Variants in TRAF5 observed in about 807,000 individuals in gnomAD.
TRAF5 encodes TNF receptor-associated factor 5.
TRAF5 carries 48 observed loss-of-function variants against 64.5 expected under a neutral mutation model. The ratio of observed to expected loss-of-function variants is 0.74; its 90% CI spans 0.59 to 0.95. TRAF5 has a LOEUF of 0.95. TRAF5 is among the 40% of genes least tolerant of loss of function. TRAF5 has a pLI of 0.00. For missense variants in TRAF5, 545 were observed against 662.8 expected, an observed-to-expected ratio of 0.82 and a Z score of 1.95; for synonymous variants, 206 against 240.5, an observed-to-expected ratio of 0.86 and a Z score of 1.33.
chr1:211,336,580 G>T (rs1702298337), intron 1 of TRAF5, among the ~76,000 whole-genome samples: 1 of 152,236 alleles, frequency 6.6e-6, no homozygotes, highest in South Asian at 2.1e-4. Flanking sequence ...AGGCTGCTCT[G>T]CTTGCTGGAG....
At chr1:211,364,654 C>G (rs1287726973) in intron 7 of TRAF5, among the ~76,000 whole-genome samples, 2 of 151,186 alleles carry the variant, frequency 1.3e-5, no homozygotes, top group South Asian at 2.1e-4. Flanking sequence ...CCACCATACT[C>G]CAGCCTGGGC....
At chr1:211,349,346 C>T (rs1268865673) in intron 1 of TRAF5, among the ~76,000 whole-genome samples, 1 of 152,210 alleles carries the variant, frequency 6.6e-6, no homozygotes, top group Admixed American at 6.5e-5. Context: ...AATCAAGACA[C>T]CAGCAGATTC....
chr1:211,332,035 G>A (rs1215977304), intron 1 of TRAF5, among the ~76,000 whole-genome samples: 3 of 152,114 alleles, frequency 2.0e-5, no homozygotes, highest in African/African-American at 7.2e-5. Context: ...AGACCTCAGG[G>A]GCCAGGGTAG....
chr1:211,331,683 G>A (rs893454511), intron 1 of TRAF5, among the ~76,000 whole-genome samples: 1 of 145,938 alleles, frequency 6.9e-6, no homozygotes, highest in African/African-American at 2.5e-5. Flanking sequence ...TTTTTTTTTT[G>A]AGATGGAGTT....
At chr1:211,333,385 C>T (rs1702209578) in intron 1 of TRAF5, among the ~76,000 whole-genome samples, 1 of 152,064 alleles carries the variant, frequency 6.6e-6, no homozygotes. Flanking sequence ...AACGGGATTT[C>T]ACCATGCTGG....
At chr1:211,327,835 G>GC (rs1404740041) in intron 1 of TRAF5, among the ~76,000 whole-genome samples, 1 of 152,248 alleles carries the variant, frequency 6.6e-6, no homozygotes, top group Non-Finnish European at 1.5e-5. Flanking sequence ...TGCCAGGGCT[G>GC]CCCCTGCAGC....
intron 4 of TRAF5, 44 bp from the exon 5 acceptor site, chr1:211,359,868 A>C (rs774700274): frequency 1.2e-6 from 2 of 1,611,006 alleles, no homozygotes; most frequent in East Asian, 4.5e-5. Context: ...CTTTCCTACC[A>C]CCCTGGTCAG....
upstream of TRAF5, chr1:211,326,732 G>T (rs1053417726): frequency 5.1e-6 from 5 of 985,638 alleles, no homozygotes; most frequent in Non-Finnish European, 4.8e-6. This position sits in a 1 kb window ranked among gnomAD's most constrained non-coding sequence, Gnocchi z 5.0. Flanking sequence ...ACCCCTTCCT[G>T]CGCGTCCGCT....
chr1:211,349,550 T>C (rs2102736700), intron 1 of TRAF5, among the ~76,000 whole-genome samples: 1 of 152,286 alleles, frequency 6.6e-6, no homozygotes, highest in East Asian at 1.9e-4. Context: ...CTCCTAAAGG[T>C]CCCACCTCTT....
intron 1 of TRAF5, among the ~76,000 whole-genome samples, chr1:211,329,772 C>T (rs1008965417): frequency 1.3e-5 from 2 of 152,182 alleles, no homozygotes; most frequent in African/African-American, 2.4e-5. Context: ...AGTTCTAGCT[C>T]CAGCAGAGGT....
intron 1 of TRAF5, among the ~76,000 whole-genome samples, chr1:211,333,586 C>T (rs1702216576): frequency 6.6e-6 from 1 of 152,150 alleles, no homozygotes; most frequent in Non-Finnish European, 1.5e-5. Context: ...CAACCTCCGC[C>T]TCCTGGGTTC....
intron 1 of TRAF5, among the ~76,000 whole-genome samples, chr1:211,339,532 C>A (rs921051674): frequency 6.6e-6 from 1 of 152,196 alleles, no homozygotes; most frequent in East Asian, 1.9e-4. Flanking sequence ...CTGACAGGCT[C>A]AGTTGTGGGG....
Position 211,353,258 on chromosome 1 carries a change from C to G in TRAF5, c.19C>G (p.His7Asp). The G allele has an allele frequency of 6.2e-7, 1 of 1,614,244 alleles. No homozygotes were observed. The highest frequency in any genetic ancestry group is 1.1e-5 in the South Asian group (1 of 91,084). The change falls in exon 2 of 11, where the codon CAT becomes GAT. Residue 7 changes from histidine to aspartate, a missense_variant. Transcript: ENST00000261464. Reference protein sequence around the residue: MAYSEEHKGMPCGFIRQ... With the variant: MAYSEEDKGMPCGFIRQ... ...CTGCAGAATGGCTTATTCAGAAGAG[C>G]ATAAAGGTATGCCCTGTGGTTTCAT...
At chr1:211,354,596 G>C (rs1702902508) in intron 3 of TRAF5, 129 bp downstream of exon 3, 5 of 932,352 alleles carry the variant, frequency 5.4e-6, no homozygotes, top group Non-Finnish European at 8.2e-6. Flanking sequence ...TTCTTCTGCT[G>C]TGGGGTCACA....
rs188018216 is a variant in TRAF5, at chr1:211,330,778, C to G, written c.-2+3889C>G. On this transcript the variant is annotated intron_variant, in intron 1 of 10. Transcript: ENST00000261464. ...TTGCTACACCGTCCCCACCAGCATT[C>G]CCTTCCTTGACCTCCAGCTTCTTAT... Among the ~76,000 whole-genome samples the G allele has an allele frequency of 5.9e-5, 9 of 152,306 alleles. No homozygotes were observed. In the East Asian group the frequency reaches 1.5e-3, roughly 26 times the overall value.
At chr1:211,361,692 G>GTTT (rs71134676) in intron 7 of TRAF5, among the ~76,000 whole-genome samples, 34 of 75,312 alleles carry the variant, frequency 4.5e-4, no homozygotes, top group Non-Finnish European at 6.9e-4. Context: ...AATTATTCGG[G>GTTT]TTTTTTTTTT....
intron 1 of TRAF5, among the ~76,000 whole-genome samples, chr1:211,337,938 G>C (rs922669637): frequency 5.3e-5 from 8 of 152,286 alleles, no homozygotes; most frequent in Non-Finnish European, 1.0e-4. Flanking sequence ...GGGCTCAGGG[G>C]AGAGGTCCAG....
rs1703313177 is a variant in TRAF5, at chr1:211,365,248, A to G, written c.697-128A>G. ...CATTTTTCCTGCAACCCACCTAGAG[A>G]CTGGTGCGTGTTTAAACTATTAAAG... On this transcript the variant is annotated intron_variant, in intron 7 of 10. Transcript: ENST00000261464. 4.4e-6 allele frequency: 3 copies of G among 675,742 alleles called. No homozygotes were observed. In the South Asian group the frequency reaches 6.1e-5, roughly 14 times the overall value. The allele number at this position is 675,742 out of a possible 1,614,324, so 41.9% of individuals were successfully genotyped here. A position where few individuals can be genotyped will look rare whatever the true frequency, so the allele number is the denominator to read the frequency against.
rs1263243471 is a variant in TRAF5 at position 211,374,384 on chromosome 1, A to G, written c.*1682A>G. On this transcript the variant is annotated 3_prime_UTR_variant, in exon 11 of 11. Coordinates refer to ENST00000261464, the MANE Select transcript of TRAF5 (RefSeq NM_001033910.3). ...CCTGGTGATGACCATGCACCTTACA[A>G]TTTCTGAACAGTTAACCCTATAGAA... is the stretch of plus-strand genomic sequence containing the variant. 6.6e-6 allele frequency: 1 copy of G among 152,444 alleles called. No individual in the cohort carries two copies. Among genetic ancestry groups the G allele is most frequent in the East Asian group, 1.9e-4 (1 of 5,198 alleles). 9.4% of individuals were successfully genotyped at this position (152,444 alleles called of 1,614,324 possible). A position where few individuals can be genotyped will look rare whatever the true frequency, so the allele number is the denominator to read the frequency against.
Sources: gnomAD v4.1 joint callset for allele counts (sites outside exome capture counted in the v4.1 genomes callset) on GRCh38, gnomAD v4.1.1 for gene constraint, Gnocchi (gnomAD v3.1) non-coding constraint, MANE v1.5 for transcripts, NCBI Gene and HGNC (gene_info 2026-07-23, HGNC 2026-07-21) for gene names.